Variants in SVOPL observed in about 807,000 individuals in gnomAD.
SVOPL encodes SVOP like.
SVOPL carries 60 observed loss-of-function variants against 61.0 expected under a neutral mutation model. The observed-to-expected ratio is 0.98, with a 90% CI of 0.80 to 1.22. SVOPL has a LOEUF of 1.22. Among genes scored for constraint, SVOPL ranks in the 50% most tolerant of loss-of-function variants. SVOPL has a pLI of 0.00. For missense variants in SVOPL, 662 were observed against 643.9 expected, an observed-to-expected ratio of 1.03 and a Z score of -0.30; for synonymous variants, 279 against 250.0, an observed-to-expected ratio of 1.12 and a Z score of -1.09.
intron 13 of SVOPL, among the ~76,000 whole-genome samples, chr7:138,621,962 G>GTATC (rs1327248515): frequency 5.2e-3 from 11 of 2,122 alleles, no homozygotes; most frequent in Non-Finnish European, 7.7e-3. Flanking sequence ...ATCTATCTAT[G>GTATC]TATCTATCTA....
chr7:138,613,907 A>AT (rs1171895617), intron 14 of SVOPL, among the ~76,000 whole-genome samples: 3 of 152,084 alleles, frequency 2.0e-5, no homozygotes, highest in Non-Finnish European at 4.4e-5. Context: ...CCAGTTTGCG[A>AT]TTTTTCCTGA....
chr7:138,656,615 A>G, intron 6 of SVOPL, 104 bp from the exon 7 acceptor site: 1 of 1,197,822 alleles, frequency 8.3e-7, no homozygotes, highest in Non-Finnish European at 1.2e-6. Flanking sequence ...ATTCAAAAGC[A>G]TAGAAGTTGA....
chr7:138,600,292 A>G (rs1798460416), intron 14 of SVOPL, among the ~76,000 whole-genome samples: 1 of 152,226 alleles, frequency 6.6e-6, no homozygotes, highest in African/African-American at 2.4e-5. Flanking sequence ...CAGATTGAAA[A>G]GGGTTTAAAA....
At position 138,659,965 on chromosome 7, in the gene SVOPL, C is replaced by T; in HGVS notation, c.369G>A (p.Trp123Ter). The change falls in exon 6 of 16, where the codon TGG becomes TGA. Residue 123 changes from tryptophan (W) to a stop codon, truncating the protein, a stop_gained. Coordinates refer to ENST00000674285, the MANE Select transcript of SVOPL (RefSeq NM_001139456.2). LOFTEE classifies it high-confidence loss of function. Reference protein sequence around the residue: ...RWKILLISFLWGAYFSLLTSF... With the variant: ...RWKILLISFL ...AGGTCAGCAAGGAGAAATAGGCTCC[C>T]CACAGGAACGAGATGAGCAGAATCT... The T allele has an allele frequency of 6.4e-7, 1 of 1,551,518 alleles. No individual in the cohort carries two copies. Among genetic ancestry groups the T allele is most frequent in the South Asian group, 1.2e-5 (1 of 84,034 alleles).
chr7:138,660,216 A>G lies in SVOPL; in HGVS notation c.346-228T>C. The G allele has an allele frequency of 5.6e-6, 7 of 1,259,930 alleles. No homozygotes were observed. The South Asian group carries it at 9.1e-5, about 16-fold the overall frequency. 78.0% of individuals were successfully genotyped at this position (1,259,930 alleles called of 1,614,324 possible). ...GTTCAGACCATTCTTTAAAACTACC[A>G]TGCTGTGCCCACCCTCATGGGTGGC... is the stretch of plus-strand genomic sequence containing the variant. On this transcript the variant is annotated intron_variant, in intron 5 of 15. Transcript: ENST00000674285.
At chr7:138,622,088 A>G (rs1331552724) in intron 13 of SVOPL, among the ~76,000 whole-genome samples, 1 of 141,028 alleles carries the variant, frequency 7.1e-6, no homozygotes, top group East Asian at 2.0e-4. Context: ...CTATCTATCT[A>G]TGTATCTATC....
At chr7:138,682,390 A>C (rs976949884) in intron 1 of SVOPL, among the ~76,000 whole-genome samples, 2 of 152,238 alleles carry the variant, frequency 1.3e-5, no homozygotes, top group Admixed American at 1.3e-4. Context: ...GTATTCTCAT[A>C]AAGAGAAATG....
intron 14 of SVOPL, 38 bp downstream of exon 14, chr7:138,621,008 T>C (rs779898892): frequency 1.3e-6 from 2 of 1,595,184 alleles, no homozygotes; most frequent in Non-Finnish European, 1.7e-6. Flanking sequence ...ACCCCCTCTC[T>C]CAGACTCTCT....
At chr7:138,649,421 G>GTAGCT (rs1172216969) in intron 7 of SVOPL, among the ~76,000 whole-genome samples, 1 of 152,060 alleles carries the variant, frequency 6.6e-6, no homozygotes, top group Non-Finnish European at 1.5e-5. Context: ...AGCCTCCCGA[G>GTAGCT]TAGCTGGGAT....
chr7:138,664,239 C>T (rs1802147853), intron 4 of SVOPL: 1 of 985,272 alleles, frequency 1.0e-6, no homozygotes, highest in Non-Finnish European at 1.2e-6. Flanking sequence ...CCTCGCGCGC[C>T]CCACCTAGCG....
intron 1 of SVOPL, among the ~76,000 whole-genome samples, chr7:138,686,849 C>A (rs1802829118): frequency 6.6e-6 from 1 of 152,080 alleles, no homozygotes; most frequent in South Asian, 2.1e-4. Flanking sequence ...CAGGCATGAG[C>A]CACCGCACCT....
Position 138,602,569 on chromosome 7 carries a change from A to AT in SVOPL, c.1354-6040dup, listed in dbSNP as rs1436564866. On this transcript the variant is annotated intron_variant, in intron 14 of 15. Coordinates refer to ENST00000674285, the MANE Select transcript of SVOPL (RefSeq NM_001139456.2). The stretch of plus-strand genomic sequence containing the variant: ...AAAGAGGTGTCTGACTCCATCCGAC[A>AT]TTTGCTGATGGCCTTTAAGCCTCAC... Among the ~76,000 whole-genome samples, 4 of 152,028 alleles carry AT rather than the reference A, an allele frequency of 2.6e-5. No homozygotes were observed. The East Asian group carries it at 7.8e-4, about 30-fold the overall frequency.
intron 9 of SVOPL, among the ~76,000 whole-genome samples, chr7:138,637,499 TATATATATATAG>T (rs1800553677): frequency 7.0e-5 from 4 of 57,350 alleles, no homozygotes; most frequent in African/African-American, 2.7e-4. Flanking sequence ...TAGATATATA[TATATATATATAG>T]ATAGATAGAT....
At chr7:138,621,614 G>A (rs1024611563) in intron 13 of SVOPL, among the ~76,000 whole-genome samples, 2 of 152,124 alleles carry the variant, frequency 1.3e-5, no homozygotes, top group Non-Finnish European at 2.9e-5. Context: ...TTAGGGATGG[G>A]ATCTTACTAT....
intron 6 of SVOPL, among the ~76,000 whole-genome samples, chr7:138,658,440 TTTTG>T (rs138334011): frequency 0.045 from 6,866 of 152,132 alleles, 300 homozygotes; most frequent in African/African-American, 0.11. Flanking sequence ...CTTCAAAAAT[TTTTG>T]TTTGTTTGTT....
At chr7:138,625,906 A>C in intron 13 of SVOPL, 63 bp downstream of exon 13, 2 of 1,534,480 alleles carry the variant, frequency 1.3e-6, no homozygotes, top group Non-Finnish European at 1.8e-6. Context: ...TTACCTTTGG[A>C]TGGACATCCT....
In SVOPL at chr7:138,596,974, G is replaced by A. The variant is rs1358003840; in HGVS notation, c.1354-444C>T. ...ACAGGTGAAAGTTTTTTTTGGAAGA[G>A]GTGTTATCTCAGAGTCTCTGAAAGG... On this transcript the variant is annotated intron_variant, in intron 14 of 15. Transcript: ENST00000674285. 1.8e-5 allele frequency: 20 copies of A among 1,124,582 alleles called. No homozygotes were observed. In the South Asian group the frequency reaches 2.6e-4, roughly 15 times the overall value. 69.7% of individuals were successfully genotyped at this position (1,124,582 alleles called of 1,614,324 possible).
intron 8 of SVOPL, 116 bp from the exon 9 acceptor site, chr7:138,644,961 C>G: frequency 1.4e-6 from 2 of 1,392,918 alleles, no homozygotes; most frequent in Non-Finnish European, 2.0e-6. Context: ...AAGTATGTAA[C>G]CAGCTTAAAG....
intron 14 of SVOPL, among the ~76,000 whole-genome samples, chr7:138,616,487 T>A (rs998275264): frequency 6.6e-6 from 1 of 151,864 alleles, no homozygotes; most frequent in Non-Finnish European, 1.5e-5. Flanking sequence ...CAGGCGCGCA[T>A]CAACAAACCC....
Sources: gnomAD v4.1 joint callset for allele counts (sites outside exome capture counted in the v4.1 genomes callset) on GRCh38, gnomAD v4.1.1 for gene constraint, MANE v1.5 for transcripts, NCBI Gene and HGNC (gene_info 2026-07-23, HGNC 2026-07-21) for gene names.